NAV3: variants seen among roughly 807,000 people sequenced by gnomAD.
NAV3 encodes the protein neuron navigator 3, also known as pore membrane and/or filament interacting like protein 1.
In NAV3, 87 loss-of-function variants were observed where a neutral mutation model predicts 244.7. The observed-to-expected ratio is 0.36, with a 90% CI of 0.30 to 0.42. NAV3 has a LOEUF of 0.42. NAV3 is among the 20% of genes least tolerant of loss of function. The pLI is 1.00. For missense variants in NAV3, 2,663 were observed against 2,893.3 expected (o/e 0.92, Z 1.83); for synonymous variants, 1,126 against 1,042.2 (o/e 1.08, Z -1.55).
intron 2 of NAV3, among the ~76,000 whole-genome samples, chr12:77,825,873 T>C (rs953158119): frequency 3.3e-5 from 5 of 152,192 alleles, no homozygotes; most frequent in Admixed American, 1.3e-4. Flanking sequence ...GGCAAGAGTT[T>C]TTGACAGATA....
At chr12:77,821,143 G>A (rs536721073) in intron 2 of NAV3, among the ~76,000 whole-genome samples, 4 of 151,598 alleles carry the variant, frequency 2.6e-5, no homozygotes, top group African/African-American at 9.7e-5. Flanking sequence ...AGAGTTCCTA[G>A]TAAAATGCTG....
Position 78,143,503 on chromosome 12 carries a change from C to T in NAV3, c.4684-2866C>T, listed in dbSNP as rs1018623708. 63 of 308,500 alleles carry T rather than the reference C, an allele frequency of 2.0e-4. 1 individual carries two copies. The highest frequency in any genetic ancestry group is 1.4e-3 in the South Asian group (59 of 42,610). The allele number at this position is 308,500 out of a possible 1,614,324, so 19.1% of individuals were successfully genotyped here. ...GAAATTAGCCCGGTGTAGTGGCATA[C>T]GTCTGTAATCCCAGCTATTTGGGAG... On this transcript the variant is annotated intron_variant, in intron 20 of 39. Transcript: ENST00000397909.
chr12:77,659,663 A>G (rs1472701050), intron 2 of NAV3, among the ~76,000 whole-genome samples: 1 of 152,210 alleles, frequency 6.6e-6, no homozygotes, highest in Non-Finnish European at 1.5e-5. Flanking sequence ...ATGCACATGT[A>G]TGTTTATTGC....
At chr12:77,602,903 G>A (rs1190619175) in intron 2 of NAV3, among the ~76,000 whole-genome samples, 2 of 151,992 alleles carry the variant, frequency 1.3e-5, no homozygotes, top group African/African-American at 4.8e-5. Context: ...GGAATTCCAA[G>A]AAATTGTGAA....
chr12:77,950,193 T>C (rs1890740578), intron 3 of NAV3, among the ~76,000 whole-genome samples: 3 of 152,122 alleles, frequency 2.0e-5, no homozygotes, highest in Non-Finnish European at 4.4e-5. Context: ...GTGTGATTGA[T>C]GGATCATATG....
At chr12:78,158,886 C>G (rs548983378) in intron 22 of NAV3, among the ~76,000 whole-genome samples, 1 of 152,070 alleles carries the variant, frequency 6.6e-6, no homozygotes, top group South Asian at 2.1e-4. Context: ...ACTTTATATT[C>G]GGCATTTTGA....
intron 1 of NAV3, among the ~76,000 whole-genome samples, chr12:77,852,523 A>C (rs1592783681): frequency 6.6e-6 from 1 of 152,210 alleles, no homozygotes; most frequent in Non-Finnish European, 1.5e-5. Flanking sequence ...TGGGCAACAG[A>C]ACGAGACTCC....
chr12:78,201,670 T>C (rs1594033155), intron 38 of NAV3, among the ~76,000 whole-genome samples: 1 of 152,106 alleles, frequency 6.6e-6, no homozygotes, highest in East Asian at 1.9e-4. Context: ...ATTATAAAAC[T>C]CTTTAAAATC....
chr12:77,789,816 G>GA (rs57070028), intron 2 of NAV3, among the ~76,000 whole-genome samples: 2,953 of 75,774 alleles, frequency 0.039, 28 homozygotes, highest in Non-Finnish European at 0.051. Context: ...GTCTCGAAAA[G>GA]AAAAAAAAAA....
chr12:78,188,188 T>A (rs1958811384), intron 31 of NAV3, 60 bp from the exon 32 acceptor site: 3 of 1,226,076 alleles, frequency 2.4e-6, no homozygotes, highest in South Asian at 2.5e-5. Context: ...TAGTAGAAAA[T>A]GTAGTAATAA....
At position 78,088,146 on chromosome 12, in the gene NAV3, G is replaced by GTTT. The variant is rs557353443; in HGVS notation, c.2637-28623_2637-28621dup. 5.1e-3 allele frequency among the ~76,000 whole-genome samples: 764 copies of GTTT among 151,230 alleles called. 4 individuals carry two copies. Among genetic ancestry groups the GTTT allele is most frequent in the Non-Finnish European group, 9.2e-3 (625 of 67,724 alleles). On this transcript the variant is annotated intron_variant, in intron 12 of 39. Coordinates refer to ENST00000397909, the MANE Select transcript of NAV3 (RefSeq NM_001024383.2). ...TACTTCTTATCCACTTAACATAATG[G>GTTT]TTTTTATAATTTTTGTGAGCAAGAC...
chr12:77,891,114 A>G (rs1457747910), intron 1 of NAV3, among the ~76,000 whole-genome samples: 3 of 151,936 alleles, frequency 2.0e-5, no homozygotes, highest in Admixed American at 1.3e-4. Flanking sequence ...TTCCTGTCTT[A>G]AATGTTGACA....
intron 38 of NAV3, among the ~76,000 whole-genome samples, chr12:78,204,032 G>A (rs887364953): frequency 2.0e-5 from 3 of 151,920 alleles, no homozygotes; most frequent in Non-Finnish European, 2.9e-5. Context: ...AAGGGTTCTT[G>A]CAAAGTTGAT....
intron 2 of NAV3, among the ~76,000 whole-genome samples, chr12:77,795,836 G>A (rs1418510632): frequency 6.6e-6 from 1 of 152,128 alleles, no homozygotes; most frequent in Non-Finnish European, 1.5e-5. Flanking sequence ...AACAAAGCCT[G>A]GATGGCAGCA....
chr12:77,987,000 T>C lies in NAV3; in HGVS notation c.672-7803T>C, dbSNP rs150571436. On this transcript the variant is annotated intron_variant, in intron 5 of 39. Transcript: ENST00000397909. ...AAAAATTTTAAATGATAATATTTGC[T>C]TGTAAGACTATGAGAATAGTTGCTT... Among the ~76,000 whole-genome samples the C allele has an allele frequency of 3.3e-4, 50 of 152,336 alleles. No homozygotes were observed. The East Asian group carries it at 8.5e-3, about 26-fold the overall frequency.
intron 2 of NAV3, among the ~76,000 whole-genome samples, chr12:77,589,728 A>C (rs1300304205): frequency 6.6e-6 from 1 of 152,238 alleles, no homozygotes; most frequent in East Asian, 1.9e-4. Context: ...TGGGAGCTAC[A>C]GTTCAAGATG....
chr12:77,886,503 T>A (rs544055834), intron 1 of NAV3, among the ~76,000 whole-genome samples: 4 of 152,292 alleles, frequency 2.6e-5, no homozygotes, highest in African/African-American at 9.6e-5. Flanking sequence ...ATTATTTCAA[T>A]TTAAAATTAT....
At chr12:77,608,127 A>G (rs1046741678) in intron 2 of NAV3, among the ~76,000 whole-genome samples, 1 of 152,148 alleles carries the variant, frequency 6.6e-6, no homozygotes, top group African/African-American at 2.4e-5. Context: ...TTCTAATGCC[A>G]GATTTCTAAT....
At position 77,695,654 on chromosome 12, in the gene NAV3, T is replaced by G. The variant is rs117048841; in HGVS notation, c.72+123388T>G. The stretch of plus-strand genomic sequence containing the variant: ...AATAATTACTGAGTATGGTTCCTAA[T>G]TTATCATGTACAAAACTCTAAATGC... On this transcript the variant is annotated intron_variant, in intron 2 of 8. Coordinates refer to the NAV3 transcript ENST00000550042. 1.0e-3 allele frequency among the ~76,000 whole-genome samples: 159 copies of G among 152,264 alleles called. 3 individuals carry two copies. The East Asian group carries it at 0.029, about 28-fold the overall frequency.
Sources: allele counts gnomAD v4.1 joint callset (sites outside exome capture counted in the v4.1 genomes callset), GRCh38; gene constraint gnomAD v4.1.1; transcripts MANE v1.5; gene names NCBI Gene and HGNC (gene_info 2026-07-23, HGNC 2026-07-21).